Variants in DCC observed in about 807,000 individuals in gnomAD.
DCC encodes the protein netrin receptor DCC.
Under a neutral mutation model 172.5 loss-of-function variants are expected in DCC, and 58 were observed. The ratio of observed to expected loss-of-function variants is 0.34; its 90% CI spans 0.27 to 0.42. DCC has a LOEUF of 0.42. DCC is among the 10% of genes least tolerant of loss of function. The probability of loss-of-function intolerance (pLI) is 1.00; values close to 1 mark genes in which losing one functional copy is unlikely to be tolerated. For synonymous variants in DCC, 709 were observed against 644.5 expected (o/e 1.10, Z -1.52); for missense variants, 1,740 against 1,791.0 (o/e 0.97, Z 0.51).
intron 3 of DCC, among the ~76,000 whole-genome samples, chr18:52,908,805 T>C (rs1325291209): frequency 6.6e-6 from 1 of 152,186 alleles, no homozygotes; most frequent in African/African-American, 2.4e-5. Flanking sequence ...ACTGATATTT[T>C]TGTAAAGGCA....
chr18:52,951,857 G>A (rs2040653493), intron 5 of DCC, among the ~76,000 whole-genome samples: 1 of 152,170 alleles, frequency 6.6e-6, no homozygotes, highest in Non-Finnish European at 1.5e-5. Context: ...CTAATAGTTG[G>A]ATAGGCACCC....
At chr18:53,292,120 C>A (rs534075790) in intron 12 of DCC, among the ~76,000 whole-genome samples, 16 of 151,698 alleles carry the variant, frequency 1.1e-4, no homozygotes, top group African/African-American at 2.9e-4. Flanking sequence ...TCCACCCCCC[C>A]CCCCTTTTTT....
Position 53,351,656 on chromosome 18 carries a change from A to G in DCC, c.2359+11749A>G, listed in dbSNP as rs530003259. Among the ~76,000 whole-genome samples, 41 of 150,974 alleles carry G rather than the reference A, an allele frequency of 2.7e-4. 1 individual carries two copies. The South Asian group carries it at 7.7e-3, about 28-fold the overall frequency. On this transcript the variant is annotated intron_variant, in intron 15 of 28. Transcript: ENST00000442544. Reference sequence around the variant, plus strand: ...AAAACAAACCGGTGAAGTATTATGTAGGTCATTCATTCTACCAACATTAAA... The same window carrying G: ...AAAACAAACCGGTGAAGTATTATGTGGGTCATTCATTCTACCAACATTAAA...
chr18:53,443,491 G>A (rs1912406515), intron 22 of DCC, among the ~76,000 whole-genome samples: 1 of 152,172 alleles, frequency 6.6e-6, no homozygotes, highest in Admixed American at 6.5e-5. Flanking sequence ...TCACCCAAGA[G>A]CTCTGATGGA....
At chr18:52,961,953 T>C (rs1428665282) in intron 5 of DCC, among the ~76,000 whole-genome samples, 5 of 152,126 alleles carry the variant, frequency 3.3e-5, no homozygotes, top group Non-Finnish European at 7.4e-5. Context: ...ATACAAACAT[T>C]AATTCAAGAT....
intron 1 of DCC, among the ~76,000 whole-genome samples, chr18:52,680,535 C>A (rs751213867): frequency 1.3e-5 from 2 of 152,112 alleles, no homozygotes; most frequent in Non-Finnish European, 2.9e-5. Context: ...ATATATTAAA[C>A]AGTGTTATTT....
intron 7 of DCC, among the ~76,000 whole-genome samples, chr18:53,133,309 G>A (rs571751397): frequency 2.0e-5 from 3 of 152,288 alleles, no homozygotes; most frequent in African/African-American, 7.2e-5. Context: ...CAACTTAAAT[G>A]TAGTACAAAT....
intron 1 of DCC, among the ~76,000 whole-genome samples, chr18:52,616,238 C>A (rs1006728124): frequency 6.6e-6 from 1 of 152,024 alleles, no homozygotes; most frequent in African/African-American, 2.4e-5. Flanking sequence ...TCAGTCTCTG[C>A]TGGTCTGTGA....
intron 1 of DCC, among the ~76,000 whole-genome samples, chr18:52,715,070 C>T (rs1010770746): frequency 6.6e-6 from 1 of 152,038 alleles, no homozygotes; most frequent in African/African-American, 2.4e-5. Context: ...CCTCTCTTTG[C>T]TACATCTACA....
At chr18:53,033,897 G>T (rs116378601) in intron 5 of DCC, among the ~76,000 whole-genome samples, 3,869 of 151,880 alleles carry the variant, frequency 0.025, 193 homozygotes, top group African/African-American at 0.088. Context: ...TATTTCTCAG[G>T]CCCTAACTTA....
intron 1 of DCC, among the ~76,000 whole-genome samples, chr18:52,419,898 C>A (rs1308910935): frequency 6.6e-6 from 1 of 151,832 alleles, no homozygotes; most frequent in Non-Finnish European, 1.5e-5. Context: ...TATAACAATC[C>A]CATAAGTAAC....
intron 2 of DCC, among the ~76,000 whole-genome samples, chr18:52,782,331 A>G (rs77481124): frequency 0.053 from 8,042 of 152,190 alleles, 287 homozygotes; most frequent in South Asian, 0.16. Context: ...TTCGGTTTGT[A>G]GCATCCGCTT....
intron 1 of DCC, among the ~76,000 whole-genome samples, chr18:52,725,114 T>A (rs1300015931): frequency 3.3e-5 from 5 of 152,288 alleles, no homozygotes; most frequent in Non-Finnish European, 7.3e-5. Context: ...GATTGATTGA[T>A]CAAGAAATAC....
intron 5 of DCC, among the ~76,000 whole-genome samples, chr18:53,001,440 G>T (rs1043885624): frequency 6.6e-6 from 1 of 152,014 alleles, no homozygotes; most frequent in African/African-American, 2.4e-5. Flanking sequence ...AAATAAAAAC[G>T]TTCATAACCT....
chr18:53,500,383 T>A (rs991157605), intron 27 of DCC, among the ~76,000 whole-genome samples: 1 of 152,132 alleles, frequency 6.6e-6, no homozygotes, highest in Non-Finnish European at 1.5e-5. Flanking sequence ...GATAGTAAAT[T>A]TCAGTAATCT....
At chr18:52,435,313 G>T (rs1987755845) in intron 1 of DCC, among the ~76,000 whole-genome samples, 1 of 152,072 alleles carries the variant, frequency 6.6e-6, no homozygotes, top group Non-Finnish European at 1.5e-5. Context: ...GTGTGTGTGT[G>T]CTAAATAGAT....
rs372379489 is a variant in DCC at position 53,403,163 on chromosome 18, T to C, written c.2935+270T>C. On this transcript the variant is annotated intron_variant, in intron 19 of 28. Coordinates refer to ENST00000442544, the MANE Select transcript of DCC (RefSeq NM_005215.4). Reference sequence around the variant, plus strand: ...CGAAAGATGTGTATTTCAATTAGAATAGACCTTTTTGTTTTTCATTCTCTG... The same window carrying C: ...CGAAAGATGTGTATTTCAATTAGAACAGACCTTTTTGTTTTTCATTCTCTG... Among the ~76,000 whole-genome samples the C allele has an allele frequency of 4.4e-4, 67 of 152,186 alleles. No individual in the cohort carries two copies. In the East Asian group the frequency reaches 5.8e-3, roughly 13 times the overall value.
chr18:53,090,698 CAAAAAAAAAAAA>C (rs59898050), intron 7 of DCC, among the ~76,000 whole-genome samples: 412 of 39,328 alleles, frequency 0.01, no homozygotes, highest in African/African-American at 0.017. Flanking sequence ...CGTCCCCCAA[CAAAAAAAAAAAA>C]AAAAAAAAAA....
At position 53,292,836 on chromosome 18, in the gene DCC, A is replaced by C. The variant is rs142949410; in HGVS notation, c.1912-12742A>C. The stretch of plus-strand genomic sequence containing the variant: ...GTATTTATGAAGGTAATTCAGTCAC[A>C]ACCAGAATCACTCCATTTATTTATT... On this transcript the variant is annotated intron_variant, in intron 12 of 28. Coordinates refer to ENST00000442544, the MANE Select transcript of DCC (RefSeq NM_005215.4). Among the ~76,000 whole-genome samples the C allele has an allele frequency of 4.6e-5, 7 of 152,356 alleles. No individual in the cohort carries two copies. The East Asian group carries it at 1.2e-3, about 25-fold the overall frequency.
Sources: gnomAD v4.1 joint callset for allele counts (sites outside exome capture counted in the v4.1 genomes callset) on GRCh38, gnomAD v4.1.1 for gene constraint, MANE v1.5 for transcripts, NCBI Gene and HGNC (gene_info 2026-07-23, HGNC 2026-07-21) for gene names.